ART3: variants seen among roughly 807,000 people sequenced by gnomAD.
The protein encoded by ART3 is ADP-ribosyltransferase 3 (inactive), also known as ecto-ADP-ribosyltransferase 3.
A neutral mutation model predicts 48.5 loss-of-function variants in ART3; 49 were observed. The ratio of observed to expected loss-of-function variants is 1.01; its 90% confidence interval spans 0.80 to 1.28. The LOEUF (loss-of-function observed/expected upper bound fraction) is 1.28, where lower values mean the gene tolerates loss of function less well. ART3 is among the 50% of genes most tolerant of loss of function. The probability of loss-of-function intolerance (pLI) is 0.00; values close to 1 mark genes in which losing one functional copy is unlikely to be tolerated. For missense variants in ART3, 438 were observed against 454.3 expected (o/e 0.96, Z 0.33); for synonymous variants, 145 against 157.2 (o/e 0.92, Z 0.58).
At chr4:76,027,843 C>T (rs1733542146) in intron 1 of ART3, among the ~76,000 whole-genome samples, 1 of 148,974 alleles carries the variant, frequency 6.7e-6, no homozygotes, top group Non-Finnish European at 1.5e-5. Flanking sequence ...TCAGTTTTTC[C>T]AGTCCAGAAA....
At chr4:76,107,606 C>T (rs1049293804) in intron 10 of ART3, 155 bp from the exon 11 acceptor site, 4 of 465,158 alleles carry the variant, frequency 8.6e-6, no homozygotes, top group Non-Finnish European at 1.2e-5. Context: ...AAATTAAACC[C>T]TTCCCCTAAC....
At chr4:76,108,746 T>C (rs894102618) in intron 11 of ART3, among the ~76,000 whole-genome samples, 1 of 152,144 alleles carries the variant, frequency 6.6e-6, no homozygotes, top group African/African-American at 2.4e-5. Context: ...TACCCAACCC[T>C]AGATGGTATA....
At chr4:76,035,259 A>G (rs1225503442) in intron 1 of ART3, 1 of 1,613,984 alleles carries the variant, frequency 6.2e-7, no homozygotes, top group Non-Finnish European at 8.5e-7. Context: ...TACATTATGG[A>G]GGCTTTCTCA....
intron 1 of ART3, among the ~76,000 whole-genome samples, chr4:76,036,374 T>C (rs1311675125): frequency 6.6e-6 from 1 of 152,226 alleles, no homozygotes; most frequent in Non-Finnish European, 1.5e-5. Flanking sequence ...TCAGGAAGAC[T>C]GTGTTTCTGT....
intron 11 of ART3, among the ~76,000 whole-genome samples, chr4:76,111,077 G>A (rs1729387303): frequency 6.6e-6 from 1 of 152,202 alleles, no homozygotes. Context: ...CTGTATCATT[G>A]TAATCATTTC....
intron 1 of ART3, among the ~76,000 whole-genome samples, chr4:76,065,824 A>G (rs1409691929): frequency 1.3e-5 from 2 of 151,960 alleles, no homozygotes; most frequent in Non-Finnish European, 1.5e-5. Flanking sequence ...GTGTAGGGAT[A>G]ATACGCATTA....
chr4:76,068,613 G>A (rs1719974663), intron 1 of ART3, among the ~76,000 whole-genome samples: 1 of 151,950 alleles, frequency 6.6e-6, no homozygotes, highest in African/African-American at 2.4e-5. Context: ...CCAACAGGCA[G>A]TGGGGCCTAC....
intron 3 of ART3, among the ~76,000 whole-genome samples, chr4:76,083,433 A>G (rs1722910792): frequency 6.6e-6 from 1 of 152,188 alleles, no homozygotes; most frequent in Admixed American, 6.5e-5. Context: ...TGTATTAGTT[A>G]AGAATTTTTT....
At chr4:76,028,653 G>A (rs927489180) in intron 1 of ART3, among the ~76,000 whole-genome samples, 1 of 152,218 alleles carries the variant, frequency 6.6e-6, no homozygotes, top group Non-Finnish European at 1.5e-5. Context: ...GGAGAGCAGG[G>A]CAAAGCTTCC....
At chr4:76,050,769 G>A (rs1179577459) in intron 1 of ART3, among the ~76,000 whole-genome samples, 1 of 152,202 alleles carries the variant, frequency 6.6e-6, no homozygotes, top group Non-Finnish European at 1.5e-5. Context: ...GGAGGCTCAG[G>A]CATGGCGGGC....
At chr4:76,078,954 G>A (rs773724655) in intron 2 of ART3, among the ~76,000 whole-genome samples, 6 of 152,178 alleles carry the variant, frequency 3.9e-5, no homozygotes, top group East Asian at 3.9e-4. Context: ...GGTGGCGGGC[G>A]TCTGTAGTCC....
At chr4:76,106,220 A>T in intron 10 of ART3, 1 of 985,380 alleles carries the variant, frequency 1.0e-6, no homozygotes, top group South Asian at 4.7e-5. Context: ...TTCCAAACAG[A>T]TTTAGTTATC....
At chr4:76,025,546 A>G (rs1251001788) in intron 1 of ART3, among the ~76,000 whole-genome samples, 1 of 152,162 alleles carries the variant, frequency 6.6e-6, no homozygotes, top group Non-Finnish European at 1.5e-5. Flanking sequence ...ATATTGACTC[A>G]TTTTATTCTT....
intron 1 of ART3, among the ~76,000 whole-genome samples, chr4:76,025,100 A>G (rs959004996): frequency 2.0e-5 from 3 of 152,196 alleles, no homozygotes; most frequent in African/African-American, 7.2e-5. Flanking sequence ...AAGGCAAAAG[A>G]GAGGGAGGTG....
intron 1 of ART3, among the ~76,000 whole-genome samples, chr4:76,045,482 T>C (rs1401604451): frequency 6.6e-6 from 1 of 152,004 alleles, no homozygotes. Context: ...CCTCTGACGC[T>C]AAGACAGCCG....
chr4:76,070,907 G>A (rs935079485), upstream of ART3, among the ~76,000 whole-genome samples: 3 of 151,534 alleles, frequency 2.0e-5, no homozygotes, highest in Admixed American at 1.3e-4. Flanking sequence ...CTTATCTAAG[G>A]CCACCTCATC....
chr4:76,097,723 T>A lies in ART3; in HGVS notation c.814+47T>A, dbSNP rs139454677. The A allele has an allele frequency of 8.9e-4, 1,302 of 1,471,132 alleles. 12 individuals carry two copies. In the African/African-American group the frequency reaches 0.016, roughly 19 times the overall value. The allele number at this position is 1,471,132 out of a possible 1,614,324, so 91.1% of individuals were successfully genotyped here. A position where few individuals can be genotyped will look rare whatever the true frequency, so the allele number is the denominator to read the frequency against. On this transcript the variant is annotated intron_variant, in intron 4 of 11. Coordinates refer to ENST00000355810, the MANE Select transcript of ART3 (RefSeq NM_001130016.3). ...ATCCCTATAATAGGAATTTTATCAG[T>A]TACTTCTCATAGCTATGGGTCAGAG...
chr4:76,098,473 G>A (rs943142646), intron 4 of ART3, among the ~76,000 whole-genome samples: 4 of 152,140 alleles, frequency 2.6e-5, no homozygotes, highest in African/African-American at 7.2e-5. Context: ...TTTCTGGCTA[G>A]CTTTCCTGTG....
At chr4:76,104,665 C>T (rs193125004) in intron 10 of ART3, 36 bp downstream of exon 10, 2 of 1,551,002 alleles carry the variant, frequency 1.3e-6, no homozygotes, top group South Asian at 1.2e-5. Context: ...GGGGAACATG[C>T]CAGTTTGGGG....
Sources: allele counts gnomAD v4.1 joint callset (sites outside exome capture counted in the v4.1 genomes callset), GRCh38; gene constraint gnomAD v4.1.1; transcripts MANE v1.5; gene names NCBI Gene and HGNC (gene_info 2026-07-23, HGNC 2026-07-21).